ADAMTS8: variants seen among roughly 807,000 people sequenced by gnomAD.
The protein encoded by ADAMTS8 is ADAM metallopeptidase with thrombospondin type 1 motif 8, also known as A disintegrin and metalloproteinase with thrombospondin motifs 8.
A neutral mutation model predicts 64.4 loss-of-function variants in ADAMTS8; 50 were observed. The ratio of observed to expected loss-of-function variants is 0.78; its 90% CI spans 0.62 to 0.98. ADAMTS8 has a LOEUF of 0.98. Among genes scored for constraint, ADAMTS8 ranks in the 50% least tolerant of loss-of-function variants. ADAMTS8 has a pLI of 0.00. For synonymous variants in ADAMTS8, 556 were observed against 533.6 expected (o/e 1.04, Z -0.58); for missense variants, 1,192 against 1,208.2 (o/e 0.99, Z 0.20).
chr11:130,427,229 C>A (rs1467872410), intron 1 of ADAMTS8, among the ~76,000 whole-genome samples: 1 of 152,170 alleles, frequency 6.6e-6, no homozygotes, highest in Non-Finnish European at 1.5e-5. Flanking sequence ...AGGCAGGTGC[C>A]GGGGAATGCG....
At chr11:130,423,395 G>C (rs377300636) in intron 1 of ADAMTS8, among the ~76,000 whole-genome samples, 1 of 152,158 alleles carries the variant, frequency 6.6e-6, no homozygotes, top group Admixed American at 6.5e-5. Context: ...CACAGAGCAG[G>C]GGGGGGCATG....
chr11:130,428,267 G>T lies in ADAMTS8; in HGVS notation c.20C>A (p.Ala7Asp). The change falls in exon 1 of 9, where the codon GCC becomes GAC. Residue 7 changes from alanine (A) to aspartate (D), a missense_variant. This residue lies in a region of ADAMTS8 where 741 missense variants were observed against 710.6 expected (regional missense o/e 1.04). Transcript: ENST00000257359. MLPAPA[A>D]PRWPPLLLLL... ...CAGCAGGAGCGGAGGCCACCGGGGGGCGGCGGGGGCGGGGAGCATGGGGGC... is the reference window on the plus strand; with the variant it reads ...CAGCAGGAGCGGAGGCCACCGGGGGTCGGCGGGGGCGGGGAGCATGGGGGC... The T allele has an allele frequency of 8.3e-7, 1 of 1,209,536 alleles. No homozygotes were observed. Among genetic ancestry groups the T allele is most frequent in the Non-Finnish European group, 1.0e-6 (1 of 977,180 alleles). The allele number at this position is 1,209,536 out of a possible 1,614,324, so 74.9% of individuals were successfully genotyped here.
chr11:130,415,581 G>A (rs1156469143), intron 4 of ADAMTS8, among the ~76,000 whole-genome samples: 1 of 144,222 alleles, frequency 6.9e-6, no homozygotes, highest in African/African-American at 2.6e-5. Flanking sequence ...GGGATTACGG[G>A]CAGAAGCCAC....
In ADAMTS8 at chr11:130,416,271, T is replaced by C. The variant is rs1238845067; in HGVS notation, c.1156A>G (p.Met386Val). 7 of 1,579,748 alleles carry C rather than the reference T, an allele frequency of 4.4e-6. No individual in the cohort carries two copies. The highest frequency in any genetic ancestry group is 4.3e-6 in the Non-Finnish European group (5 of 1,163,282). The change falls in exon 4 of 9, where the codon ATG becomes GTG. Residue 386 changes from methionine (M) to valine (V), a missense_variant. This residue lies in a region of ADAMTS8 where 741 missense variants were observed against 710.6 expected (regional missense o/e 1.04). Coordinates refer to ENST00000257359, the MANE Select transcript of ADAMTS8 (RefSeq NM_007037.6). The surrounding 1 kb of genome is among the most constrained non-coding windows in gnomAD (Gnocchi z 4.8). ...SKPCTRLFGPMGKHHVMAPLF... is the reference protein window; with the variant it reads ...SKPCTRLFGPVGKHHVMAPLF... ...GGTGCCATCACGTGGTGCTTGCCCATGGGCCCGAAGAGCCGTGTGCAGGGC... is the reference window on the plus strand; with the variant it reads ...GGTGCCATCACGTGGTGCTTGCCCACGGGCCCGAAGAGCCGTGTGCAGGGC...
rs374540099 is a variant in ADAMTS8 at position 130,419,539 on chromosome 11, C to T, written c.721-247G>A. 3.0e-4 allele frequency among the ~76,000 whole-genome samples: 46 copies of T among 152,364 alleles called. No homozygotes were observed. The East Asian group carries it at 6.5e-3, about 22-fold the overall frequency. ...GGTCTTTGAACCCAGACCTGCCTTG[C>T]TCCGAACTTGTGTGTCTAACATCCA... is the stretch of plus-strand genomic sequence containing the variant. On this transcript the variant is annotated intron_variant, in intron 1 of 8. Transcript: ENST00000257359.
intron 4 of ADAMTS8, among the ~76,000 whole-genome samples, chr11:130,415,291 A>T (rs900259255): frequency 2.0e-5 from 3 of 152,078 alleles, no homozygotes; most frequent in South Asian, 4.2e-4. Flanking sequence ...TTTTTCTTTA[A>T]TCCCCTCTTC....
chr11:130,418,695 C>A (rs1392607713), intron 2 of ADAMTS8, among the ~76,000 whole-genome samples: 1 of 152,174 alleles, frequency 6.6e-6, no homozygotes, highest in Admixed American at 6.5e-5. Flanking sequence ...CTTGAGGGGA[C>A]CCCCTGGCTA....
Position 130,416,073 on chromosome 11 carries a change from G to T in ADAMTS8, c.1264+90C>A. 7.0e-7 allele frequency: 1 copy of T among 1,421,202 alleles called. No homozygotes were observed. Among genetic ancestry groups the T allele is most frequent in the Non-Finnish European group, 9.3e-7 (1 of 1,072,434 alleles). The allele number at this position is 1,421,202 out of a possible 1,614,324, so 88.0% of individuals were successfully genotyped here. A position where few individuals can be genotyped will look rare whatever the true frequency, so the allele number is the denominator to read the frequency against. On this transcript the variant is annotated intron_variant, in intron 4 of 8. Coordinates refer to ENST00000257359, the MANE Select transcript of ADAMTS8 (RefSeq NM_007037.6). The surrounding 1 kb of genome is among the most constrained non-coding windows in gnomAD (Gnocchi z 4.8). ...CCGGGGACTCAGCTCTAAGGGCCCTGTGAGGAGGCACAGCTGGAGGGGGTC... is the reference window on the plus strand; with the variant it reads ...CCGGGGACTCAGCTCTAAGGGCCCTTTGAGGAGGCACAGCTGGAGGGGGTC...
chr11:130,423,133 G>A (rs1017816283), intron 1 of ADAMTS8, among the ~76,000 whole-genome samples: 4 of 152,162 alleles, frequency 2.6e-5, no homozygotes. Context: ...CTGCTGTAAG[G>A]AAAACTGCAG....
chr11:130,424,156 C>T (rs868718541), intron 1 of ADAMTS8, among the ~76,000 whole-genome samples: 3 of 152,224 alleles, frequency 2.0e-5, no homozygotes, highest in South Asian at 2.1e-4. Context: ...ATCAGAGGGT[C>T]GACAGAGCCA....
chr11:130,427,860 AG>A lies in ADAMTS8; in HGVS notation c.426del (p.Ser143ProfsTer102). The A allele has an allele frequency of 3.3e-6, 5 of 1,536,282 alleles. No homozygotes were observed. The highest frequency in any genetic ancestry group is 4.4e-6 in the Non-Finnish European group (5 of 1,145,748). Reference sequence around the variant, plus strand: ...TGCAGGCGGTGCGGCTGAGCCAGGGAGCCCCCCGCGCCCTGCGGCTGGATGG... The same window carrying A: ...TGCAGGCGGTGCGGCTGAGCCAGGGACCCCCCGCGCCCTGCGGCTGGATGG... ...EFTIQPQGAG[G>X]SLAQPHRLQR... On this transcript the variant is annotated frameshift_variant, in exon 1 of 9. Coordinates refer to ENST00000257359, the MANE Select transcript of ADAMTS8 (RefSeq NM_007037.6). LOFTEE classifies it high-confidence loss of function.
intron 6 of ADAMTS8, among the ~76,000 whole-genome samples, chr11:130,409,562 A>G (rs547339500): frequency 2.0e-5 from 3 of 152,278 alleles, no homozygotes; most frequent in Admixed American, 2.0e-4. Flanking sequence ...TCTCCCGAAC[A>G]TTTGAGCATC....
intron 1 of ADAMTS8, among the ~76,000 whole-genome samples, chr11:130,421,481 T>C (rs1862098220): frequency 6.6e-6 from 1 of 152,210 alleles, no homozygotes; most frequent in South Asian, 2.1e-4. Context: ...TGAGGACATC[T>C]GAAGGTCCTT....
In ADAMTS8 at chr11:130,405,587, G is replaced by A. The variant is rs753970758; in HGVS notation, c.2641C>T (p.Pro881Ser). Reference protein sequence around the residue: ...NKALKPEDAKPCESQLCPL With the variant: ...NKALKPEDAKSCESQLCPL ...AGGGGGCACAGCTGGCTTTCGCAGG[G>A]CTTGGCATCCTCGGGTTTCAGAGCC... The change falls in exon 9 of 9, where the codon CCC becomes TCC. Residue 881 changes from proline to serine, a missense_variant. By Grantham distance (74) the Pro-to-Ser change is moderately conservative. Around this residue, in one of 5 missense-constraint regions of ADAMTS8, gnomAD observed 147 missense variants for 154.1 expected, o/e 0.95. Coordinates refer to ENST00000257359, the MANE Select transcript of ADAMTS8 (RefSeq NM_007037.6). 1 of 1,609,250 alleles carries A rather than the reference G, an allele frequency of 6.2e-7. No individual in the cohort carries two copies. Among genetic ancestry groups the A allele is most frequent in the South Asian group, 1.1e-5 (1 of 90,862 alleles).
At chr11:130,425,083 G>GA in intron 1 of ADAMTS8, among the ~76,000 whole-genome samples, 1 of 152,308 alleles carries the variant, frequency 6.6e-6, no homozygotes, top group East Asian at 1.9e-4. Flanking sequence ...GAAAGGTCCA[G>GA]AAATGCGTGT....
intron 2 of ADAMTS8, among the ~76,000 whole-genome samples, chr11:130,418,848 G>C (rs1456385248): frequency 4.6e-5 from 7 of 152,194 alleles, no homozygotes; most frequent in Admixed American, 4.6e-4. Flanking sequence ...TTGGAAGAGA[G>C]CCCTTACAAG....
intron 5 of ADAMTS8, among the ~76,000 whole-genome samples, chr11:130,413,867 T>C (rs1212071996): frequency 6.6e-6 from 1 of 152,182 alleles, no homozygotes; most frequent in Non-Finnish European, 1.5e-5. Context: ...ATGACGGAAT[T>C]GACAGTGGCT....
At chr11:130,424,921 TC>T (rs1461816897) in intron 1 of ADAMTS8, among the ~76,000 whole-genome samples, 2 of 152,012 alleles carry the variant, frequency 1.3e-5, no homozygotes, top group African/African-American at 4.8e-5. Context: ...GGGGCTAGTC[TC>T]CCTGAGGGAA....
At chr11:130,413,196 A>G (rs1861974903) in intron 5 of ADAMTS8, among the ~76,000 whole-genome samples, 1 of 152,016 alleles carries the variant, frequency 6.6e-6, no homozygotes, top group Non-Finnish European at 1.5e-5. Context: ...TGACTTCTTA[A>G]AAATAGAGGC....
Sources: gnomAD v4.1 joint callset for allele counts (sites outside exome capture counted in the v4.1 genomes callset) on GRCh38, gnomAD v4.1.1 for gene constraint, gnomAD v4.1.1 regional missense constraint, Gnocchi (gnomAD v3.1) non-coding constraint, MANE v1.5 for transcripts, NCBI Gene and HGNC (gene_info 2026-07-23, HGNC 2026-07-21) for gene names.